Variants in NARS2 observed in about 807,000 individuals in gnomAD.
NARS2 encodes the protein asparaginyl-tRNA synthetase.
Under a neutral mutation model 62.9 loss-of-function variants are expected in NARS2, and 60 were observed. The observed-to-expected ratio is 0.95, with a 90% CI of 0.77 to 1.18. The LOEUF is 1.18. Among genes scored for constraint, NARS2 ranks in the 50% most tolerant of loss-of-function variants. The probability of loss-of-function intolerance (pLI) is 0.00; values close to 1 mark genes in which losing one functional copy is unlikely to be tolerated. For synonymous variants in NARS2, 196 were observed against 200.0 expected (o/e 0.98, Z 0.17); for missense variants, 619 against 576.4 (o/e 1.07, Z -0.76).
chr11:78,490,144 T>C (rs1859754282), intron 7 of NARS2, among the ~76,000 whole-genome samples: 2 of 152,204 alleles, frequency 1.3e-5, no homozygotes, highest in Admixed American at 1.3e-4. Flanking sequence ...AAACTAAATG[T>C]CCTTCAACTG....
chr11:78,521,789 C>CAAAAAAAAAAAAA (rs58282524), intron 6 of NARS2, among the ~76,000 whole-genome samples: 3 of 96,410 alleles, frequency 3.1e-5, no homozygotes, highest in Admixed American at 1.3e-4. Context: ...GACTCCGTCT[C>CAAAAAAAAAAAAA]AAAAAAAAAA....
At chr11:78,553,473 G>C (rs1467547081) in intron 5 of NARS2, among the ~76,000 whole-genome samples, 2 of 152,076 alleles carry the variant, frequency 1.3e-5, no homozygotes, top group Non-Finnish European at 2.9e-5. Context: ...ATTTTTAGTA[G>C]AGAAAGGGTT....
intron 6 of NARS2, among the ~76,000 whole-genome samples, chr11:78,494,240 G>C (rs1033075503): frequency 3.9e-5 from 6 of 152,150 alleles, no homozygotes; most frequent in African/African-American, 1.2e-4. Flanking sequence ...TTCAAACCAA[G>C]TAACAGCTGA....
At chr11:78,528,743 T>TA in intron 6 of NARS2, 99 bp downstream of exon 6, 1 of 774,272 alleles carries the variant, frequency 1.3e-6, no homozygotes. Flanking sequence ...GAACTAATGA[T>TA]AAAGACTAAT....
At chr11:78,521,894 C>T (rs1861141720) in intron 6 of NARS2, among the ~76,000 whole-genome samples, 2 of 151,426 alleles carry the variant, frequency 1.3e-5, no homozygotes, top group Admixed American at 1.3e-4. Context: ...TTCACTCACA[C>T]TAACAAAGAG....
At chr11:78,566,082 C>T (rs779878863) in intron 4 of NARS2, 50 bp downstream of exon 4, 1 of 1,446,924 alleles carries the variant, frequency 6.9e-7, no homozygotes, top group Admixed American at 2.2e-5. Flanking sequence ...TGTTTTTAAA[C>T]AGTTATTAAA....
intron 4 of NARS2, among the ~76,000 whole-genome samples, chr11:78,561,949 T>C (rs938900796): frequency 6.6e-6 from 1 of 151,930 alleles, no homozygotes; most frequent in Non-Finnish European, 1.5e-5. Flanking sequence ...TAGTCCCAGA[T>C]ACTCAGGAGG....
chr11:78,547,000 C>G (rs113965165), intron 5 of NARS2, among the ~76,000 whole-genome samples: 3,546 of 152,274 alleles, frequency 0.023, 136 homozygotes, highest in African/African-American at 0.082. Context: ...TATTCTGCTA[C>G]GATTTCACGT....
In NARS2 at chr11:78,568,623, A is replaced by C; in HGVS notation, c.372+9T>G. The C allele has an allele frequency of 6.2e-7, 1 of 1,611,014 alleles. No homozygotes were observed. Among genetic ancestry groups the C allele is most frequent in the East Asian group, 2.2e-5 (1 of 44,812 alleles). ...TAAACAGCCTCCACAAAAGTGTCAG[A>C]AATCATACCTTGGCATCACAATTTC... is the stretch of plus-strand genomic sequence containing the variant. On this transcript the variant is annotated intron_variant, in intron 3 of 13. Transcript: ENST00000281038.
intron 6 of NARS2, among the ~76,000 whole-genome samples, chr11:78,514,997 A>AT (rs1860851006): frequency 1.3e-5 from 2 of 152,308 alleles, no homozygotes; most frequent in Admixed American, 1.3e-4. Flanking sequence ...AAGAATCATG[A>AT]AGGGGGCCTT....
intron 7 of NARS2, among the ~76,000 whole-genome samples, chr11:78,479,040 G>T (rs561632283): frequency 1.3e-5 from 2 of 152,226 alleles, no homozygotes; most frequent in African/African-American, 4.8e-5. Flanking sequence ...ATGTTTGAGA[G>T]AATTAAATGA....
intron 3 of NARS2, among the ~76,000 whole-genome samples, chr11:78,567,184 C>T (rs1431461630): frequency 6.6e-6 from 1 of 152,106 alleles, no homozygotes; most frequent in African/African-American, 2.4e-5. Flanking sequence ...TAGTAGTCCC[C>T]CACTTACCCA....
chr11:78,454,281 T>C (rs115361716), intron 11 of NARS2, among the ~76,000 whole-genome samples: 1,625 of 152,256 alleles, frequency 0.011, 27 homozygotes, highest in African/African-American at 0.037. Context: ...CAAATTCACG[T>C]TGAAATGTGA....
At chr11:78,504,434 GTTTTTTTT>G (rs758781275) in intron 6 of NARS2, among the ~76,000 whole-genome samples, 1 of 61,402 alleles carries the variant, frequency 1.6e-5, no homozygotes, top group Admixed American at 1.7e-4. Flanking sequence ...CAAAACACCA[GTTTTTTTT>G]TTTTTTTTTT....
At chr11:78,439,617 A>T (rs1251017420) in intron 13 of NARS2, among the ~76,000 whole-genome samples, 2 of 152,274 alleles carry the variant, frequency 1.3e-5, no homozygotes, top group East Asian at 1.9e-4. Flanking sequence ...GGAGAGATTA[A>T]ATATGCCTAA....
At chr11:78,545,956 A>G (rs1208281961) in intron 5 of NARS2, among the ~76,000 whole-genome samples, 5 of 152,164 alleles carry the variant, frequency 3.3e-5, no homozygotes, top group Non-Finnish European at 7.4e-5. Flanking sequence ...ACAAATCACC[A>G]TCTGTTCTGA....
At chr11:78,452,488 G>A (rs976687821) in intron 11 of NARS2, among the ~76,000 whole-genome samples, 11 of 151,764 alleles carry the variant, frequency 7.2e-5, no homozygotes, top group African/African-American at 2.4e-4. Flanking sequence ...GCTCAATGCC[G>A]CCTTGACCTC....
At chr11:78,488,443 G>C (rs957690707) in intron 7 of NARS2, among the ~76,000 whole-genome samples, 3 of 152,100 alleles carry the variant, frequency 2.0e-5, no homozygotes, top group Non-Finnish European at 4.4e-5. Flanking sequence ...GCAGTCTCTA[G>C]AAAATGGAAG....
chr11:78,573,694 C>G (rs1215408203), intron 1 of NARS2, among the ~76,000 whole-genome samples: 1 of 152,208 alleles, frequency 6.6e-6, no homozygotes, highest in Admixed American at 6.5e-5. Context: ...AGCCACTGTT[C>G]TAAATATCTT....
Sources: allele counts gnomAD v4.1 joint callset (sites outside exome capture counted in the v4.1 genomes callset), GRCh38; gene constraint gnomAD v4.1.1; transcripts MANE v1.5; gene names NCBI Gene and HGNC (gene_info 2026-07-23, HGNC 2026-07-21).